The following GMIP variants were observed in gnomAD, a reference collection of about 807,000 sequenced individuals.
GMIP encodes the protein GEM-interacting protein.
A neutral mutation model predicts 105.3 loss-of-function variants in GMIP; 54 were observed. That is an observed-to-expected ratio of 0.51 (90% confidence interval 0.41 to 0.64). The LOEUF (loss-of-function observed/expected upper bound fraction) is 0.64. GMIP is among the 30% of genes least tolerant of loss of function. GMIP has a pLI of 0.00. For missense variants in GMIP, 1,110 were observed against 1,319.4 expected (o/e 0.84, Z 2.46); for synonymous variants, 541 against 560.8 (o/e 0.96, Z 0.50).
At chr19:19,636,612 G>A (rs547134943) in intron 13 of GMIP, 95 bp downstream of exon 13, 25 of 903,532 alleles carry the variant, frequency 2.8e-5, no homozygotes, top group Non-Finnish European at 3.6e-5. Flanking sequence ...TAGGTCAGAG[G>A]TCAAAGATAG....
chr19:19,634,321 C>T lies in GMIP; in HGVS notation c.2085-131G>A. The T allele has an allele frequency of 4.7e-6, 5 of 1,058,522 alleles. No homozygotes were observed. The highest frequency in any genetic ancestry group is 6.7e-6 in the Non-Finnish European group (5 of 742,262). The allele number at this position is 1,058,522 out of a possible 1,614,324, so 65.6% of individuals were successfully genotyped here. ...ACAGGTGTAAGTCGTCTGAGACCAGCAGCCACATATCCAGAACTGGAGGTC... is the reference window on the plus strand; with the variant it reads ...ACAGGTGTAAGTCGTCTGAGACCAGTAGCCACATATCCAGAACTGGAGGTC... On this transcript the variant is annotated intron_variant, in intron 18 of 20. Transcript: ENST00000203556. The surrounding 1 kb of genome is among the most constrained non-coding windows in gnomAD (Gnocchi z 6.1).
At position 19,641,884 on chromosome 19, in the gene GMIP, C is replaced by T. The variant is rs919517466; in HGVS notation, c.181-17G>A. 6.2e-7 allele frequency: 1 copy of T among 1,613,178 alleles called. No homozygotes were observed. The highest frequency in any genetic ancestry group is 8.5e-7 in the Non-Finnish European group (1 of 1,179,584). ...TTCGTTGGTCTGTGCGGGAGGGAGA[C>T]AGTATTCAGAAGCAAACAGGGCAGG... On this transcript the variant is annotated splice_polypyrimidine_tract_variant and intron_variant, in intron 3 of 20. Coordinates refer to ENST00000203556, the MANE Select transcript of GMIP (RefSeq NM_016573.4).
chr19:19,631,281 G>GGGTGGGAAAATCCTT (rs1422786777), intron 19 of GMIP, among the ~76,000 whole-genome samples: 1 of 152,178 alleles, frequency 6.6e-6, no homozygotes, highest in Non-Finnish European at 1.5e-5. Flanking sequence ...GGCTCCATGA[G>GGGTGGGAAAATCCTT]GGTGGGAAAA....
rs2061863070 is a variant in GMIP at position 19,637,090 on chromosome 19, CAG to C, written c.1125-63_1125-62del. 5.4e-6 allele frequency: 6 copies of C among 1,115,516 alleles called. No homozygotes were observed. In the South Asian group the frequency reaches 8.2e-5, roughly 15 times the overall value. The allele number at this position is 1,115,516 out of a possible 1,614,324, so 69.1% of individuals were successfully genotyped here. A position where few individuals can be genotyped will look rare whatever the true frequency, so the allele number is the denominator to read the frequency against. Reference sequence around the variant, plus strand: ...GAAACTGGCCTGGGGTGATGGCACCCAGGCATCATGTCTAGGTACCAACTCCA... The same window carrying C: ...GAAACTGGCCTGGGGTGATGGCACCCGCATCATGTCTAGGTACCAACTCCA... On this transcript the variant is annotated intron_variant, in intron 11 of 20. Coordinates refer to ENST00000203556, the MANE Select transcript of GMIP (RefSeq NM_016573.4). The surrounding 1 kb of genome is among the most constrained non-coding windows in gnomAD (Gnocchi z 6.7).
chr19:19,636,203 C>CA lies in GMIP; in HGVS notation c.1328-483dup, dbSNP rs771568731. ...TGGGCAACAGAGCAAGACTCTGTCT[C>CA]AAAAAAAAAAAAAAGAAAGAAAGAA... On this transcript the variant is annotated intron_variant, in intron 13 of 20. Coordinates refer to ENST00000203556, the MANE Select transcript of GMIP (RefSeq NM_016573.4). Among the ~76,000 whole-genome samples, 355 of 100,166 alleles carry CA rather than the reference C, an allele frequency of 3.5e-3. 2 individuals are homozygous for CA. Among genetic ancestry groups the CA allele is most frequent in the South Asian group, 0.03 (94 of 3,160 alleles). The allele number at this position is 100,166 out of a possible 152,430, so 65.7% of individuals were successfully genotyped here. A position where few individuals can be genotyped will look rare whatever the true frequency, so the allele number is the denominator to read the frequency against.
chr19:19,635,297 G>T lies in GMIP; in HGVS notation c.1561-84C>A. 1 of 1,515,148 alleles carries T rather than the reference G, an allele frequency of 6.6e-7. No individual in the cohort carries two copies. Among genetic ancestry groups the T allele is most frequent in the Non-Finnish European group, 9.1e-7 (1 of 1,103,398 alleles). The allele number at this position is 1,515,148 out of a possible 1,614,324, so 93.9% of individuals were successfully genotyped here. Reference sequence around the variant, plus strand: ...TTACAAGGATCCTCAAGGAATGGGGGCTCATGGGAGACATCAGGTTAGGGT... The same window carrying T: ...TTACAAGGATCCTCAAGGAATGGGGTCTCATGGGAGACATCAGGTTAGGGT... On this transcript the variant is annotated intron_variant, in intron 15 of 20. Transcript: ENST00000203556. This position sits in a 1 kb window ranked among gnomAD's most constrained non-coding sequence, Gnocchi z 4.7.
intron 2 of GMIP, among the ~76,000 whole-genome samples, chr19:19,642,262 G>C (rs1274298145): frequency 6.6e-6 from 1 of 152,048 alleles, no homozygotes; most frequent in Admixed American, 6.6e-5. Flanking sequence ...ATAACTTTGA[G>C]GTTCATAGAG....
intron 4 of GMIP, among the ~76,000 whole-genome samples, chr19:19,641,205 C>T (rs529014877): frequency 1.4e-4 from 22 of 151,950 alleles, no homozygotes; most frequent in Admixed American, 3.9e-4. Flanking sequence ...CTCAGCCTCC[C>T]GAGTATCTGG....
At chr19:19,642,743 G>C (rs1009327131) in intron 1 of GMIP, 124 bp from the exon 2 acceptor site, 15 of 504,048 alleles carry the variant, frequency 3.0e-5, no homozygotes, top group African/African-American at 1.9e-4. Flanking sequence ...AGAGAGGGCT[G>C]GGGGGGGCTT....
Position 19,637,643 on chromosome 19 carries a change from A to G in GMIP, c.928-82T>C, listed in dbSNP as rs1387978076. 4 of 1,178,512 alleles carry G rather than the reference A, an allele frequency of 3.4e-6. No individual in the cohort carries two copies. The African/African-American group carries it at 4.8e-5, about 14-fold the overall frequency. The allele number at this position is 1,178,512 out of a possible 1,614,324, so 73.0% of individuals were successfully genotyped here. On this transcript the variant is annotated intron_variant, in intron 10 of 20. Transcript: ENST00000203556. The surrounding 1 kb of genome is among the most constrained non-coding windows in gnomAD (Gnocchi z 6.7). ...GGCCAGAGCTGGGGCGGGGCTTGAG[A>G]GACGCGAACGTGGTCAGGGTTTGGG...
rs1194697584 is a variant in GMIP at position 19,633,784 on chromosome 19, G to T, written c.2472+19C>A. 1 of 1,435,702 alleles carries T rather than the reference G, an allele frequency of 7.0e-7. No homozygotes were observed. Among genetic ancestry groups the T allele is most frequent in the African/African-American group, 1.4e-5 (1 of 69,670 alleles). 88.9% of individuals were successfully genotyped at this position (1,435,702 alleles called of 1,614,324 possible). On this transcript the variant is annotated intron_variant, in intron 19 of 20. Coordinates refer to ENST00000203556, the MANE Select transcript of GMIP (RefSeq NM_016573.4). ...GAGATAAGGCCCTCTCCATAGCTGTGGGCCCAGTGGGTTCTTACCTCGGTA... is the reference window on the plus strand; with the variant it reads ...GAGATAAGGCCCTCTCCATAGCTGTTGGCCCAGTGGGTTCTTACCTCGGTA...
rs1290702175 is a variant in GMIP at position 19,637,287 on chromosome 19, A to G, written c.1124+78T>C. On this transcript the variant is annotated intron_variant, in intron 11 of 20. Transcript: ENST00000203556. This position sits in a 1 kb window ranked among gnomAD's most constrained non-coding sequence, Gnocchi z 6.7. Reference sequence around the variant, plus strand: ...TAAGGCTTTGCGTTCTCTAACCTCGAGTAACCAGCCTGCGGTGCCAACAGC... The same window carrying G: ...TAAGGCTTTGCGTTCTCTAACCTCGGGTAACCAGCCTGCGGTGCCAACAGC... The G allele has an allele frequency of 5.8e-6, 6 of 1,040,010 alleles. No homozygotes were observed. The highest frequency in any genetic ancestry group is 8.4e-6 in the Non-Finnish European group (6 of 714,304). The allele number at this position is 1,040,010 out of a possible 1,614,324, so 64.4% of individuals were successfully genotyped here. A position where few individuals can be genotyped will look rare whatever the true frequency, so the allele number is the denominator to read the frequency against.
Position 19,634,625 on chromosome 19 carries a change from C to T in GMIP, c.1966G>A (p.Asp656Asn), listed in dbSNP as rs200618177. The T allele has an allele frequency of 1.2e-6, 2 of 1,613,346 alleles. No homozygotes were observed. The highest frequency in any genetic ancestry group is 1.7e-6 in the Non-Finnish European group (2 of 1,179,726). The change falls in exon 18 of 21, where the codon GAC (aspartate) becomes AAC (asparagine). Residue 656 changes from aspartate to asparagine, a missense_variant. This residue lies in a region of GMIP where 394 missense variants were observed against 450.5 expected (regional missense o/e 0.87). Coordinates refer to ENST00000203556, the MANE Select transcript of GMIP (RefSeq NM_016573.4). The surrounding 1 kb of genome is among the most constrained non-coding windows in gnomAD (Gnocchi z 6.1). The part of the protein sequence containing the change: ...LAKTLHADPG[D>N]DPGTPSPSPE... ...CTGGGGCTGGGGGTCCCAGGGTCGT[C>T]CCCAGGGTCTGCATGCAAGGTCTTA...
At chr19:19,641,674 G>A in intron 4 of GMIP, 136 bp downstream of exon 4, 1 of 738,536 alleles carries the variant, frequency 1.4e-6, no homozygotes, top group Non-Finnish European at 2.4e-6. Flanking sequence ...TGAGGGCTGG[G>A]ACTGAGATCT....
In GMIP at chr19:19,638,495, G is replaced by A; in HGVS notation, c.538-13C>T. The A allele has an allele frequency of 1.2e-6, 2 of 1,611,176 alleles. No individual in the cohort carries two copies. The highest frequency in any genetic ancestry group is 1.1e-5 in the South Asian group (1 of 90,822). On this transcript the variant is annotated splice_polypyrimidine_tract_variant and intron_variant, in intron 7 of 20. Transcript: ENST00000203556. ...TGGCGGCGAGGGGCTGGCAAGGGTT[G>A]GGGATGGGGATGGAGACGCTGCCTT...
rs753290718 is a variant in GMIP at position 19,634,841 on chromosome 19, C to A, written c.1838G>T (p.Gly613Val). The change falls in exon 17 of 21, where the codon GGG (glycine) becomes GTG (valine). Residue 613 changes from glycine to valine, a missense_variant. Physicochemically the swap from Gly to Val is moderately radical, Grantham distance 109. Transcript: ENST00000203556. This position sits in a 1 kb window ranked among gnomAD's most constrained non-coding sequence, Gnocchi z 6.1. ...ENGRALVELSGNSPHDVSSVL... is the reference protein window; with the variant it reads ...ENGRALVELSVNSPHDVSSVL... Reference sequence around the variant, plus strand: ...ACTCGAGACGTCATGAGGCGAGTTCCCCGACAGCTCCACCAACGCTCGGCC... The same window carrying A: ...ACTCGAGACGTCATGAGGCGAGTTCACCGACAGCTCCACCAACGCTCGGCC... The A allele has an allele frequency of 1.2e-5, 20 of 1,613,834 alleles. No homozygotes were observed. Among genetic ancestry groups the A allele is most frequent in the Middle Eastern group, 3.3e-4 (2 of 6,084 alleles).
intron 4 of GMIP, among the ~76,000 whole-genome samples, chr19:19,641,403 T>C (rs995435573): frequency 6.6e-6 from 1 of 151,544 alleles, no homozygotes; most frequent in Non-Finnish European, 1.5e-5. Flanking sequence ...TTTTTGGACA[T>C]GGTCTTGCTC....
In GMIP at chr19:19,637,403, G is replaced by A. The variant is rs1599410444; in HGVS notation, c.1086C>T (p.Pro362=). 4.7e-6 allele frequency: 7 copies of A among 1,484,512 alleles called. No homozygotes were observed. Among genetic ancestry groups the A allele is most frequent in the African/African-American group, 4.4e-5 (3 of 68,580 alleles). 92.0% of individuals were successfully genotyped at this position (1,484,512 alleles called of 1,614,324 possible). Residue 362 remains proline (P), a synonymous_variant, in exon 11 of 21, where the codon CCC becomes CCT. Transcript: ENST00000203556. The surrounding 1 kb of genome is among the most constrained non-coding windows in gnomAD (Gnocchi z 6.7). The part of the protein sequence containing the change: ...LRPEAPPPPP[P]AFSFQEFLPS... ...GAAGGAACTCCTGGAAGGAGAAGGC[G>A]GGCGGCGGGGGCGGCGGGGCCTCGG...
chr19:19,630,039 T>A lies in GMIP; in HGVS notation c.2837A>T (p.Lys946Ile), dbSNP rs151214548. The change falls in exon 21 of 21, where the codon AAA becomes ATA. Residue 946 changes from lysine (K) to isoleucine (I), a missense_variant. This residue lies in a region of GMIP where 394 missense variants were observed against 450.5 expected (regional missense o/e 0.87). Coordinates refer to ENST00000203556, the MANE Select transcript of GMIP (RefSeq NM_016573.4). The surrounding 1 kb of genome is among the most constrained non-coding windows in gnomAD (Gnocchi z 4.8). ...CCTGGGCACAGCCTCGCTGTCCAAT[T>A]TCGAGAGTAGCCGGGCTGTCTCCTG... is the stretch of plus-strand genomic sequence containing the variant. ...ITQETARLLS[K>I]LDSEAVPRAT... 2 of 1,609,152 alleles carry A rather than the reference T, an allele frequency of 1.2e-6. No homozygotes were observed. Among genetic ancestry groups the A allele is most frequent in the African/African-American group, 2.7e-5 (2 of 75,000 alleles).
Sources: allele counts gnomAD v4.1 joint callset (sites outside exome capture counted in the v4.1 genomes callset), GRCh38; gene constraint gnomAD v4.1.1; regional missense constraint gnomAD v4.1.1; non-coding constraint Gnocchi (gnomAD v3.1); transcripts MANE v1.5; gene names NCBI Gene and HGNC (gene_info 2026-07-23, HGNC 2026-07-21).